Variants in ZBTB20 observed in about 807,000 individuals in gnomAD.
ZBTB20 encodes the protein zinc finger and BTB domain containing 20, also known as zinc finger and BTB domain-containing protein 20.
ZBTB20 carries 9 observed loss-of-function variants against 56.9 expected under a neutral mutation model. That is an observed-to-expected ratio of 0.16 (90% CI 0.10 to 0.28). ZBTB20 has a LOEUF of 0.28. Ranked by LOEUF, ZBTB20 falls within the 10% of genes least tolerant of loss-of-function variation. The pLI, the probability that ZBTB20 is intolerant of heterozygous loss-of-function variation, is 1.00. For synonymous variants in ZBTB20, 417 were observed against 420.7 expected, an observed-to-expected ratio of 0.99 and a Z score of 0.11; for missense variants, 655 against 1,003.0, an observed-to-expected ratio of 0.65 and a Z score of 4.69.
At chr3:115,110,137 G>A (rs535633784) in intron 1 of ZBTB20, among the ~76,000 whole-genome samples, 5 of 152,156 alleles carry the variant, frequency 3.3e-5, no homozygotes, top group Middle Eastern at 3.4e-3. Context: ...ACTTGAACCC[G>A]GGAGGCGGAG....
At chr3:114,737,775 C>T (rs188029466) in intron 5 of ZBTB20, among the ~76,000 whole-genome samples, 1 of 152,276 alleles carries the variant, frequency 6.6e-6, no homozygotes, top group East Asian at 1.9e-4. Context: ...ATATTTTCAT[C>T]AAAGCCCTGA....
chr3:115,117,056 T>C (rs1286862702), intron 1 of ZBTB20, among the ~76,000 whole-genome samples: 1 of 152,126 alleles, frequency 6.6e-6, no homozygotes, highest in East Asian at 1.9e-4. Flanking sequence ...AACATGCTAT[T>C]GTTTTTGCCA....
intron 7 of ZBTB20, among the ~76,000 whole-genome samples, chr3:114,421,998 A>C (rs2733392): frequency 0.91 from 138,815 of 152,034 alleles, 64,711 homozygotes; most frequent in East Asian, 1. Context: ...AAGGCATGAA[A>C]CAAGCACAAG....
chr3:114,866,491 C>T (rs187930582), intron 4 of ZBTB20, among the ~76,000 whole-genome samples: 1 of 152,288 alleles, frequency 6.6e-6, no homozygotes, highest in Non-Finnish European at 1.5e-5. Flanking sequence ...TATAGGTCAA[C>T]TTGACTGAGC....
chr3:114,852,874 G>A (rs1488700278), intron 4 of ZBTB20, among the ~76,000 whole-genome samples: 3 of 152,070 alleles, frequency 2.0e-5, no homozygotes, highest in Non-Finnish European at 4.4e-5. Context: ...CATATTTCCT[G>A]TTATGTTTTA....
Position 114,334,031 on chromosome 3 carries a change from A to C in ZBTB20, c.*4974T>G, listed in dbSNP as rs1439183948. 6.6e-6 allele frequency: 1 copy of C among 152,186 alleles called. No homozygotes were observed. The highest frequency in any genetic ancestry group is 1.5e-5 in the Non-Finnish European group (1 of 68,034). 9.4% of individuals were successfully genotyped at this position (152,186 alleles called of 1,614,324 possible). ...GCGCCCTCCTGTTCTCCTAAATCTC[A>C]AGGGCATCTCAGGTTGTGTCTGCTC... On this transcript the variant is annotated 3_prime_UTR_variant, in exon 12 of 12. Coordinates refer to ENST00000675478, the MANE Select transcript of ZBTB20 (RefSeq NM_001348800.3).
At chr3:114,476,250 C>T (rs1414590382) in intron 7 of ZBTB20, among the ~76,000 whole-genome samples, 1 of 152,074 alleles carries the variant, frequency 6.6e-6, no homozygotes, top group Non-Finnish European at 1.5e-5. Context: ...TAGCTTATTT[C>T]CAGTTTTATA....
At chr3:114,776,654 C>T (rs904688755) in intron 5 of ZBTB20, among the ~76,000 whole-genome samples, 1 of 152,152 alleles carries the variant, frequency 6.6e-6, no homozygotes, top group Non-Finnish European at 1.5e-5. Flanking sequence ...ATAGCAGCCA[C>T]AGGAAACTAA....
At chr3:115,024,619 C>A (rs1030400473) in intron 2 of ZBTB20, among the ~76,000 whole-genome samples, 1 of 151,114 alleles carries the variant, frequency 6.6e-6, no homozygotes, top group Non-Finnish European at 1.5e-5. Flanking sequence ...CCTCACATCC[C>A]TCTTGCATTT....
chr3:114,741,592 G>T (rs946676582), intron 5 of ZBTB20, among the ~76,000 whole-genome samples: 14 of 152,032 alleles, frequency 9.2e-5, no homozygotes, highest in Admixed American at 3.9e-4. Flanking sequence ...ACATACAGAA[G>T]AGGCCGGTGC....
intron 6 of ZBTB20, among the ~76,000 whole-genome samples, chr3:114,589,112 T>C (rs1359581825): frequency 2.0e-5 from 3 of 152,100 alleles, no homozygotes; most frequent in Admixed American, 6.5e-5. Context: ...CACATGAAGA[T>C]TATGGGAACT....
intron 10 of ZBTB20, among the ~76,000 whole-genome samples, chr3:114,353,924 C>T (rs1477990724): frequency 6.6e-6 from 1 of 152,198 alleles, no homozygotes; most frequent in Non-Finnish European, 1.5e-5. Context: ...TAAACCCAGG[C>T]AGTCTGGCTC....
chr3:114,366,213 A>G (rs1196767818), intron 10 of ZBTB20, among the ~76,000 whole-genome samples: 1 of 152,216 alleles, frequency 6.6e-6, no homozygotes, highest in Non-Finnish European at 1.5e-5. Context: ...GAGAAAAAGG[A>G]ATAATTCATC....
At chr3:114,533,787 C>A (rs1034481309) in intron 6 of ZBTB20, among the ~76,000 whole-genome samples, 1 of 152,224 alleles carries the variant, frequency 6.6e-6, no homozygotes, top group Non-Finnish European at 1.5e-5. Context: ...AACAACAGAT[C>A]TCTCTGCAGA....
intron 2 of ZBTB20, among the ~76,000 whole-genome samples, chr3:115,027,087 T>G (rs1397874922): frequency 1.3e-5 from 2 of 151,068 alleles, no homozygotes; most frequent in East Asian, 3.9e-4. Context: ...CATTCCTACA[T>G]TTAGACATTT....
intron 6 of ZBTB20, chr3:114,684,560 A>C (rs1411047781): frequency 1.3e-5 from 2 of 152,154 alleles, no homozygotes; most frequent in African/African-American, 4.8e-5. Context: ...CATTGCTGAC[A>C]ATATCTATTT....
chr3:114,434,559 T>TGTGTGTGTGC (rs2090378098), intron 7 of ZBTB20, among the ~76,000 whole-genome samples: 1 of 22,326 alleles, frequency 4.5e-5, no homozygotes, highest in Non-Finnish European at 3.7e-4. Context: ...TGTGTGTGTT[T>TGTGTGTGTGC]GTGTGTGTGT....
At chr3:114,896,084 A>T (rs1470528809) in intron 4 of ZBTB20, among the ~76,000 whole-genome samples, 7 of 152,186 alleles carry the variant, frequency 4.6e-5, no homozygotes, top group African/African-American at 1.7e-4. Context: ...TAAGCAGTAG[A>T]TGTGTTCTTG....
chr3:114,766,997 G>T (rs1428539844), intron 5 of ZBTB20, among the ~76,000 whole-genome samples: 1 of 152,016 alleles, frequency 6.6e-6, no homozygotes, highest in Non-Finnish European at 1.5e-5. Flanking sequence ...TGTTCAAGAT[G>T]GTTAAAAATG....
Sources: gnomAD v4.1 joint callset for allele counts (sites outside exome capture counted in the v4.1 genomes callset) on GRCh38, gnomAD v4.1.1 for gene constraint, MANE v1.5 for transcripts, NCBI Gene and HGNC (gene_info 2026-07-23, HGNC 2026-07-21) for gene names.